The following GRIP1 variants were observed in gnomAD, a reference collection of about 807,000 sequenced individuals.
The protein encoded by GRIP1 is glutamate receptor-interacting protein 1.
A neutral mutation model predicts 129.9 loss-of-function variants in GRIP1; 45 were observed. The observed-to-expected ratio is 0.35, with a 90% CI of 0.27 to 0.44. The LOEUF (loss-of-function observed/expected upper bound fraction) is 0.44, where lower values mean the gene tolerates loss of function less well. Ranked by LOEUF, GRIP1 falls within the 20% of genes least tolerant of loss-of-function variation. The pLI is 1.00. For missense variants in GRIP1, 1,196 were observed against 1,396.8 expected (o/e 0.86, Z 2.29); for synonymous variants, 530 against 520.8 (o/e 1.02, Z -0.24).
At chr12:66,387,253 C>A (rs1042421620) in intron 19 of GRIP1, among the ~76,000 whole-genome samples, 9 of 152,170 alleles carry the variant, frequency 5.9e-5, no homozygotes, top group Non-Finnish European at 1.2e-4. Context: ...CATCTGGCAT[C>A]AAGGTAAAGT....
intron 1 of GRIP1, among the ~76,000 whole-genome samples, chr12:66,909,876 C>T (rs569164671): frequency 6.6e-6 from 1 of 152,156 alleles, no homozygotes; most frequent in Non-Finnish European, 1.5e-5. Flanking sequence ...ATAATAATGT[C>T]AAATCTACTG....
chr12:66,930,043 C>T (rs891427773), intron 1 of GRIP1, among the ~76,000 whole-genome samples: 2 of 130,608 alleles, frequency 1.5e-5, no homozygotes, highest in Non-Finnish European at 3.3e-5. Context: ...CCCAGGTTCT[C>T]TCTCTCTCTC....
intron 1 of GRIP1, among the ~76,000 whole-genome samples, chr12:66,789,820 A>G (rs2038472044): frequency 6.6e-6 from 1 of 152,156 alleles, no homozygotes; most frequent in Admixed American, 6.6e-5. Context: ...GAAAAACTGA[A>G]TGAAAATTAC....
At chr12:66,579,040 C>T (rs12827508) in intron 2 of GRIP1, among the ~76,000 whole-genome samples, 37,349 of 151,954 alleles carry the variant, frequency 0.25, 4,713 homozygotes, top group Admixed American at 0.28. Context: ...CTAACACAGC[C>T]GGGTACTCCT....
chr12:66,762,801 T>C (rs923812938), intron 1 of GRIP1, among the ~76,000 whole-genome samples: 7 of 152,228 alleles, frequency 4.6e-5, no homozygotes, highest in African/African-American at 1.7e-4. Context: ...AATCGGAGCA[T>C]ATACAATGTG....
At chr12:66,622,447 A>G (rs979930137) in intron 1 of GRIP1, among the ~76,000 whole-genome samples, 2 of 152,176 alleles carry the variant, frequency 1.3e-5, no homozygotes, top group Non-Finnish European at 2.9e-5. Context: ...GCAACACAAA[A>G]AAAGATAATT....
chr12:66,928,309 C>G (rs1318639699), intron 1 of GRIP1, among the ~76,000 whole-genome samples: 1 of 152,128 alleles, frequency 6.6e-6, no homozygotes, highest in African/African-American at 2.4e-5. Flanking sequence ...AAGACCCAGT[C>G]GGAGAGTAAA....
intron 1 of GRIP1, among the ~76,000 whole-genome samples, chr12:67,036,860 C>T (rs1241451944): frequency 6.6e-6 from 1 of 152,088 alleles, no homozygotes; most frequent in Non-Finnish European, 1.5e-5. Context: ...CCTCCTCCTG[C>T]CCCTATACTT....
chr12:67,059,274 C>T (rs2043491120), intron 1 of GRIP1, among the ~76,000 whole-genome samples: 1 of 152,134 alleles, frequency 6.6e-6, no homozygotes, highest in South Asian at 2.1e-4. Context: ...GGTAGAAGGT[C>T]ACAAACCACA....
chr12:66,541,762 G>T, intron 3 of GRIP1, 53 bp downstream of exon 3: 4 of 1,575,168 alleles, frequency 2.5e-6, no homozygotes, highest in South Asian at 1.1e-5. Context: ...TTTAATTTTT[G>T]AATTAATTAC....
At chr12:66,378,062 T>C (rs2055898103) in intron 20 of GRIP1, among the ~76,000 whole-genome samples, 2 of 151,652 alleles carry the variant, frequency 1.3e-5, no homozygotes, top group African/African-American at 4.9e-5. Context: ...AACAAAATGG[T>C]AAAATATACT....
Position 66,406,332 on chromosome 12 carries a change from T to C in GRIP1, c.1935A>G (p.Gln645=), listed in dbSNP as rs1230668502. ...SMEDAVQILQ[Q]CEDLVKLKIR... is the part of the protein sequence containing the mutation. ...TTTTGAGCTTCACCAGGTCTTCACA[T>C]TGCTGGAGGATCTGAACTGCATCTT... The change falls in exon 16 of 25, where the codon CAA becomes CAG. Residue 645 remains glutamine, a synonymous_variant. Coordinates refer to ENST00000359742, the MANE Select transcript of GRIP1 (RefSeq NM_001366722.1). 11 of 1,613,974 alleles carry C rather than the reference T, an allele frequency of 6.8e-6. No homozygotes were observed. The highest frequency in any genetic ancestry group is 1.6e-4 in the Middle Eastern group (1 of 6,084).
intron 1 of GRIP1, among the ~76,000 whole-genome samples, chr12:66,980,945 C>A (rs1314805805): frequency 6.6e-6 from 1 of 152,196 alleles, no homozygotes; most frequent in Non-Finnish European, 1.5e-5. Context: ...TACCACTAGA[C>A]AACTAAAGGA....
intron 7 of GRIP1, among the ~76,000 whole-genome samples, chr12:66,472,158 C>G (rs9669091): frequency 5.6e-4 from 86 of 152,340 alleles, no homozygotes; most frequent in African/African-American, 2.0e-3. Flanking sequence ...GGATAGAAGT[C>G]TGTCCACCTC....
chr12:66,349,658 T>C (rs569935209), intron 24 of GRIP1, among the ~76,000 whole-genome samples: 2 of 152,264 alleles, frequency 1.3e-5, no homozygotes, highest in African/African-American at 4.8e-5. Flanking sequence ...AAGCCTGTGC[T>C]CTGAATCACG....
chr12:66,991,015 T>C (rs2042386797), intron 1 of GRIP1, among the ~76,000 whole-genome samples: 1 of 151,248 alleles, frequency 6.6e-6, no homozygotes, highest in Non-Finnish European at 1.5e-5. Flanking sequence ...ACAAACTATC[T>C]GTAATCCCAG....
intron 2 of GRIP1, among the ~76,000 whole-genome samples, chr12:66,584,185 A>T (rs377645002): frequency 0.15 from 21,672 of 146,262 alleles, 1,568 homozygotes; most frequent in Non-Finnish European, 0.16. Context: ...GCATATTCTC[A>T]CTCATAGGTG....
intron 1 of GRIP1, among the ~76,000 whole-genome samples, chr12:66,797,833 A>T (rs1384948584): frequency 6.6e-6 from 1 of 152,150 alleles, no homozygotes. Context: ...CTCCCAGTCC[A>T]GAATGGTTTC....
chr12:66,785,325 TAC>T (rs1449742076), intron 1 of GRIP1, among the ~76,000 whole-genome samples: 29 of 52,160 alleles, frequency 5.6e-4, no homozygotes, highest in African/African-American at 1.7e-3. Flanking sequence ...CATACATACA[TAC>T]ATACATACAT....
Sources: gnomAD v4.1 joint callset for allele counts (sites outside exome capture counted in the v4.1 genomes callset) on GRCh38, gnomAD v4.1.1 for gene constraint, MANE v1.5 for transcripts, NCBI Gene and HGNC (gene_info 2026-07-23, HGNC 2026-07-21) for gene names.